PACS1: variants seen among roughly 807,000 people sequenced by gnomAD.
PACS1 encodes phosphofurin acidic cluster sorting protein 1.
Under a neutral mutation model 115.0 loss-of-function variants are expected in PACS1, and 24 were observed. The ratio of observed to expected loss-of-function variants is 0.21; its 90% CI spans 0.15 to 0.29. The LOEUF (loss-of-function observed/expected upper bound fraction) is 0.29. Among genes scored for constraint, PACS1 ranks in the 10% least tolerant of loss-of-function variants. The pLI, the probability that PACS1 is intolerant of heterozygous loss-of-function variation, is 1.00. For missense variants in PACS1, 838 were observed against 1,251.2 expected (o/e 0.67, Z 4.98); for synonymous variants, 453 against 504.5 (o/e 0.90, Z 1.37).
chr11:66,146,647 A>C (rs915444515), intron 1 of PACS1, among the ~76,000 whole-genome samples: 1 of 152,246 alleles, frequency 6.6e-6, no homozygotes, highest in Non-Finnish European at 1.5e-5. Flanking sequence ...TAACAGCCAG[A>C]AACTTCCTAC....
In PACS1 at chr11:66,104,208, G is replaced by A. The variant is rs553142977; in HGVS notation, c.356+33366G>A. ...AATAACACATGGAAAATCAGGGACCGTGTGTAAGTGAAAGGTAATAAAAGT... is the reference window on the plus strand; with the variant it reads ...AATAACACATGGAAAATCAGGGACCATGTGTAAGTGAAAGGTAATAAAAGT... On this transcript the variant is annotated intron_variant, in intron 1 of 23. Transcript: ENST00000320580. Among the ~76,000 whole-genome samples the A allele has an allele frequency of 1.3e-4, 20 of 152,320 alleles. 1 individual carries two copies. The highest frequency in any genetic ancestry group is 3.4e-3 in the Middle Eastern group (1 of 294).
At chr11:66,138,601 A>G (rs930596621) in intron 1 of PACS1, among the ~76,000 whole-genome samples, 1 of 151,416 alleles carries the variant, frequency 6.6e-6, no homozygotes, top group Non-Finnish European at 1.5e-5. Flanking sequence ...CCCAGCCCTG[A>G]TATTGTGTTT....
chr11:66,216,114 C>T lies in PACS1; in HGVS notation c.661-5C>T, dbSNP rs79265330. The T allele has an allele frequency of 1.5e-5, 24 of 1,613,618 alleles. No homozygotes were observed. The East Asian group carries it at 4.9e-4, about 33-fold the overall frequency. On this transcript the variant is annotated splice_polypyrimidine_tract_variant and splice_region_variant and intron_variant, in intron 4 of 23. Transcript: ENST00000320580. ...CACGCCTCCACCACCTCCCCTGGCT[C>T]CTAGGTGATGCAGCATCCTAATGAA... is the stretch of plus-strand genomic sequence containing the variant.
chr11:66,208,627 C>T (rs1457378722), intron 2 of PACS1, among the ~76,000 whole-genome samples: 1 of 128,102 alleles, frequency 7.8e-6, no homozygotes, highest in Non-Finnish European at 1.6e-5. Flanking sequence ...CCAGCCTGGG[C>T]AACATAGTGA....
chr11:66,161,308 C>T (rs575584361), intron 1 of PACS1, among the ~76,000 whole-genome samples: 64 of 152,080 alleles, frequency 4.2e-4, no homozygotes, highest in Non-Finnish European at 7.2e-4. Flanking sequence ...AAAAATTAGC[C>T]GGGCGTGGTG....
chr11:66,134,694 G>T (rs560156908), intron 1 of PACS1, among the ~76,000 whole-genome samples: 1 of 151,902 alleles, frequency 6.6e-6, no homozygotes, highest in Non-Finnish European at 1.5e-5. Flanking sequence ...GTACCCTGGC[G>T]CCAGGGCGTT....
intron 21 of PACS1, 118 bp downstream of exon 21, chr11:66,239,395 C>T: frequency 8.2e-7 from 1 of 1,216,306 alleles, no homozygotes; most frequent in Non-Finnish European, 1.1e-6. Context: ...TGGTAGTGCA[C>T]ACCTGTGGTC....
chr11:66,098,331 A>T (rs1857833572), intron 1 of PACS1, among the ~76,000 whole-genome samples: 1 of 151,918 alleles, frequency 6.6e-6, no homozygotes, highest in South Asian at 2.1e-4. Flanking sequence ...TTGTGTGTGT[A>T]TCTGATAGAG....
rs556840742 is a variant in PACS1, at chr11:66,181,215, T to C, written c.357-12271T>C. On this transcript the variant is annotated intron_variant, in intron 1 of 23. Coordinates refer to ENST00000320580, the MANE Select transcript of PACS1 (RefSeq NM_018026.4). ...TTTTTATTTTAATTTTAATTTTTTATTTTTTATTTTTTTTGAGATAGAGTC... is the reference window on the plus strand; with the variant it reads ...TTTTTATTTTAATTTTAATTTTTTACTTTTTATTTTTTTTGAGATAGAGTC... Among the ~76,000 whole-genome samples, 11 of 151,536 alleles carry C rather than the reference T, an allele frequency of 7.3e-5. No homozygotes were observed. In the South Asian group the frequency reaches 2.3e-3, roughly 31 times the overall value.
intron 1 of PACS1, among the ~76,000 whole-genome samples, chr11:66,148,311 T>G (rs1190781719): frequency 6.6e-6 from 1 of 152,140 alleles, no homozygotes; most frequent in East Asian, 1.9e-4. Context: ...CACACCAGCA[T>G]GCCTGGCTAA....
intron 1 of PACS1, among the ~76,000 whole-genome samples, chr11:66,105,722 CAAAT>C (rs1858021871): frequency 6.6e-6 from 1 of 152,156 alleles, no homozygotes; most frequent in African/African-American, 2.4e-5. Flanking sequence ...ATGTGGATCA[CAAAT>C]AACACAATAA....
Position 66,167,034 on chromosome 11 carries a change from A to G in PACS1, c.357-26452A>G, listed in dbSNP as rs1049556788. On this transcript the variant is annotated intron_variant, in intron 1 of 23. Coordinates refer to ENST00000320580, the MANE Select transcript of PACS1 (RefSeq NM_018026.4). ...GATTGTACCAGTTGATACTCCCACCAGCAGCATATGAGTTCCCATCGTGCC... is the reference window on the plus strand; with the variant it reads ...GATTGTACCAGTTGATACTCCCACCGGCAGCATATGAGTTCCCATCGTGCC... 1.3e-4 allele frequency among the ~76,000 whole-genome samples: 19 copies of G among 150,500 alleles called. 1 individual carries two copies. Among genetic ancestry groups the G allele is most frequent in the Admixed American group, 3.3e-4 (5 of 15,224 alleles).
intron 1 of PACS1, among the ~76,000 whole-genome samples, chr11:66,071,594 T>G (rs1242206593): frequency 1.3e-5 from 2 of 152,214 alleles, no homozygotes; most frequent in Admixed American, 6.5e-5. Flanking sequence ...GTTTTTGTAT[T>G]GGCAAGGCAG....
intron 4 of PACS1, among the ~76,000 whole-genome samples, chr11:66,212,703 A>G (rs1855103963): frequency 6.6e-6 from 1 of 152,188 alleles, no homozygotes; most frequent in Non-Finnish European, 1.5e-5. Flanking sequence ...GAAGAAAGGC[A>G]ACTATCTTTT....
intron 2 of PACS1, among the ~76,000 whole-genome samples, chr11:66,207,323 TGGGCGTG>T (rs1218216882): frequency 1.3e-5 from 2 of 152,014 alleles, no homozygotes; most frequent in African/African-American, 4.8e-5. Flanking sequence ...AAAAATTAGC[TGGGCGTG>T]ATGGCACTCA....
chr11:66,107,637 C>CTTATATGATTG (rs1414338984), intron 1 of PACS1, among the ~76,000 whole-genome samples: 2 of 152,192 alleles, frequency 1.3e-5, no homozygotes, highest in African/African-American at 4.8e-5. Flanking sequence ...AATTCTTTTA[C>CTTATATGATTG]TTATATGATT....
In PACS1 at chr11:66,243,011, A is replaced by T; in HGVS notation, c.2756A>T (p.Gln919Leu). 3 of 1,613,964 alleles carry T rather than the reference A, an allele frequency of 1.9e-6. No homozygotes were observed. The highest frequency in any genetic ancestry group is 2.5e-6 in the Non-Finnish European group (3 of 1,179,924). The change falls in exon 23 of 24, where the codon CAG becomes CTG. Residue 919 changes from glutamine to leucine, a missense_variant. Physicochemically the swap from Gln to Leu is moderately radical, Grantham distance 113. Coordinates refer to ENST00000320580, the MANE Select transcript of PACS1 (RefSeq NM_018026.4). ...AGCCGCCTCATCTGCTCAGCCAAGC[A>T]GCAGCAGACTATGCTGAGAGGTGCG... ...GISRLICSAK[Q>L]QQTMLRVSID...
At position 66,230,944 on chromosome 11, in the gene PACS1, C is replaced by A. The variant is rs775124865; in HGVS notation, c.1626+4C>A. The A allele has an allele frequency of 3.1e-6, 5 of 1,613,678 alleles. No homozygotes were observed. The African/African-American group carries it at 6.7e-5, about 22-fold the overall frequency. ...AGATCTGGGCCACAGCACGCAGGTA[C>A]TTCTGGGTGCCCCCAAAACACCAGG... On this transcript the variant is annotated splice_donor_region_variant and intron_variant, in intron 13 of 23. Coordinates refer to ENST00000320580, the MANE Select transcript of PACS1 (RefSeq NM_018026.4).
At chr11:66,109,281 G>GCC in intron 1 of PACS1, among the ~76,000 whole-genome samples, 1 of 152,266 alleles carries the variant, frequency 6.6e-6, no homozygotes, top group African/African-American at 2.4e-5. Context: ...GTCGCATATG[G>GCC]CCAGGCGTGG....
Sources: gnomAD v4.1 joint callset for allele counts (sites outside exome capture counted in the v4.1 genomes callset) on GRCh38, gnomAD v4.1.1 for gene constraint, MANE v1.5 for transcripts, NCBI Gene and HGNC (gene_info 2026-07-23, HGNC 2026-07-21) for gene names.